PROSER2: variants seen among roughly 807,000 people sequenced by gnomAD.
The protein encoded by PROSER2 is proline and serine rich 2.
PROSER2 carries 18 observed loss-of-function variants against 14.6 expected under a neutral mutation model. The observed-to-expected ratio is 1.23, with a 90% CI of 0.85 to 1.83. The LOEUF (loss-of-function observed/expected upper bound fraction) is 1.83, where lower values mean the gene tolerates loss of function less well. Ranked by LOEUF, PROSER2 falls within the 40% of genes most tolerant of loss-of-function variation. The pLI, the probability that PROSER2 is intolerant of heterozygous loss-of-function variation, is 0.00. For synonymous variants in PROSER2, 367 were observed against 286.4 expected, an observed-to-expected ratio of 1.28 and a Z score of -2.84; for missense variants, 823 against 629.8, an observed-to-expected ratio of 1.31 and a Z score of -3.28.
intron 1 of PROSER2, among the ~76,000 whole-genome samples, chr10:11,847,838 A>G (rs751350919): frequency 2.0e-4 from 30 of 152,204 alleles, no homozygotes; most frequent in Non-Finnish European, 4.0e-4. Context: ...TTGATCTCAC[A>G]GCTTTTCTCT....
chr10:11,868,861 G>T (rs565721326), intron 3 of PROSER2, among the ~76,000 whole-genome samples: 1 of 152,250 alleles, frequency 6.6e-6, no homozygotes, highest in South Asian at 2.1e-4. Context: ...ACGTTGGCCA[G>T]GCTGGTCTTG....
At chr10:11,844,486 A>G (rs1833896542) in intron 1 of PROSER2, among the ~76,000 whole-genome samples, 1 of 152,250 alleles carries the variant, frequency 6.6e-6, no homozygotes, top group Non-Finnish European at 1.5e-5. Flanking sequence ...AACAACAAAT[A>G]CAAATATACA....
intron 1 of PROSER2, among the ~76,000 whole-genome samples, chr10:11,849,122 G>A (rs568133880): frequency 6.6e-6 from 1 of 152,158 alleles, no homozygotes; most frequent in African/African-American, 2.4e-5. Context: ...AGGAGGCGGA[G>A]GTTGCGGTAA....
intron 2 of PROSER2, chr10:11,863,104 T>A (rs1389885707): frequency 1.3e-5 from 2 of 152,206 alleles, no homozygotes; most frequent in African/African-American, 4.8e-5. Flanking sequence ...TGCCTAGGTA[T>A]CTCTCCTTTT....
rs150713045 is a variant in PROSER2, at chr10:11,869,540, C to T, written c.442C>T (p.Pro148Ser). 5.0e-6 allele frequency: 8 copies of T among 1,613,652 alleles called. No individual in the cohort carries two copies. Among genetic ancestry groups the T allele is most frequent in the Non-Finnish European group, 6.8e-6 (8 of 1,179,628 alleles). The change falls in exon 4 of 4, where the codon CCA (proline) becomes TCA (serine). Residue 148 changes from proline (P) to serine (S), a missense_variant. By Grantham distance (74) the Pro-to-Ser change is moderately conservative. Transcript: ENST00000277570. This position sits in a 1 kb window ranked among gnomAD's most constrained non-coding sequence, Gnocchi z 4.4. ...CAGGAAACAAGATGCTGAGACTCCT[C>T]CACCTCCAGACCCCCCGGCTCCCGA... Reference protein sequence around the residue: ...EHRKQDAETPPPPDPPAPETL... With the variant: ...EHRKQDAETPSPPDPPAPETL...
At chr10:11,853,136 C>T (rs1003484807) in intron 2 of PROSER2, among the ~76,000 whole-genome samples, 5 of 152,118 alleles carry the variant, frequency 3.3e-5, no homozygotes, top group African/African-American at 7.2e-5. Context: ...CCAGTGGGAA[C>T]GCCAGTTTCC....
At chr10:11,833,864 G>C (rs1454305420) in intron 1 of PROSER2, among the ~76,000 whole-genome samples, 3 of 152,060 alleles carry the variant, frequency 2.0e-5, no homozygotes, top group South Asian at 4.1e-4. Flanking sequence ...GGGGAGGCCA[G>C]TGATGAAGGA....
At chr10:11,845,528 GA>G (rs1178537140) in intron 1 of PROSER2, among the ~76,000 whole-genome samples, 1 of 152,130 alleles carries the variant, frequency 6.6e-6, no homozygotes, top group Non-Finnish European at 1.5e-5. Flanking sequence ...AATAATTGAG[GA>G]AAGTTTAATA....
At chr10:11,857,794 CTG>C (rs1021717904) in intron 2 of PROSER2, among the ~76,000 whole-genome samples, 3 of 147,918 alleles carry the variant, frequency 2.0e-5, no homozygotes, top group Admixed American at 6.8e-5. Flanking sequence ...TGTCCCGAAA[CTG>C]TGCCGCGCCC....
chr10:11,850,359 A>T (rs1206550450), intron 1 of PROSER2: 1 of 152,378 alleles, frequency 6.6e-6, no homozygotes, highest in South Asian at 2.1e-4. Context: ...AATGGCAGGA[A>T]GACCTGGTTG....
In PROSER2 at chr10:11,862,770, A is replaced by G. The variant is rs1282364865; in HGVS notation, c.139-3761A>G. Reference sequence around the variant, plus strand: ...TGCAAATATTTCAAAATGTGAAAAAATCCAGAACACTTCTTATCCCAAACA... The same window carrying G: ...TGCAAATATTTCAAAATGTGAAAAAGTCCAGAACACTTCTTATCCCAAACA... On this transcript the variant is annotated intron_variant, in intron 2 of 3. Coordinates refer to ENST00000277570, the MANE Select transcript of PROSER2 (RefSeq NM_153256.4). The surrounding 1 kb of genome is among the most constrained non-coding windows in gnomAD (Gnocchi z 4.2). 6.6e-6 allele frequency: 1 copy of G among 152,224 alleles called. No homozygotes were observed. The highest frequency in any genetic ancestry group is 2.4e-5 in the African/African-American group (1 of 41,450). The allele number at this position is 152,224 out of a possible 1,614,324, so 9.4% of individuals were successfully genotyped here. A position where few individuals can be genotyped will look rare whatever the true frequency, so the allele number is the denominator to read the frequency against.
chr10:11,825,268 T>G (rs922603635), intron 1 of PROSER2, among the ~76,000 whole-genome samples: 5 of 152,186 alleles, frequency 3.3e-5, no homozygotes, highest in African/African-American at 1.2e-4. Flanking sequence ...GAAGTTCAAG[T>G]GCATCTTATC....
chr10:11,864,233 C>T (rs974983990), intron 2 of PROSER2, among the ~76,000 whole-genome samples: 12 of 152,204 alleles, frequency 7.9e-5, no homozygotes, highest in African/African-American at 2.9e-4. Flanking sequence ...TTTGAGCCCC[C>T]ATTGTCTCCC....
chr10:11,863,082 C>T (rs1834274968), intron 2 of PROSER2: 2 of 152,202 alleles, frequency 1.3e-5, no homozygotes, highest in East Asian at 1.9e-4. Flanking sequence ...TTCTGCCTGC[C>T]TACCTAACCC....
intron 1 of PROSER2, among the ~76,000 whole-genome samples, chr10:11,829,332 C>A (rs1038086385): frequency 6.6e-6 from 1 of 151,108 alleles, no homozygotes; most frequent in Non-Finnish European, 1.5e-5. Context: ...TGCCTGTAAT[C>A]CCAACACTTT....
chr10:11,829,353 G>C (rs1301521272), intron 1 of PROSER2, among the ~76,000 whole-genome samples: 1 of 151,384 alleles, frequency 6.6e-6, no homozygotes, highest in African/African-American at 2.4e-5. Context: ...GGGAGGCCAA[G>C]GTGGGAGGAT....
rs1251517891 is a variant in PROSER2, at chr10:11,838,879, T to C, written c.-81-13118T>C. 2.0e-5 allele frequency among the ~76,000 whole-genome samples: 3 copies of C among 152,218 alleles called. No individual in the cohort carries two copies. Among genetic ancestry groups the C allele is most frequent in the African/African-American group, 7.2e-5 (3 of 41,448 alleles). On this transcript the variant is annotated intron_variant, in intron 1 of 3. Transcript: ENST00000277570. The surrounding 1 kb of genome is among the most constrained non-coding windows in gnomAD (Gnocchi z 4.4). ...AGAAGGTTTTCTTATATTCTAGCTATCAATTCCTTATACGTATTAGACATA... is the reference window on the plus strand; with the variant it reads ...AGAAGGTTTTCTTATATTCTAGCTACCAATTCCTTATACGTATTAGACATA...
chr10:11,847,759 T>C (rs930759718), intron 1 of PROSER2, among the ~76,000 whole-genome samples: 7 of 152,182 alleles, frequency 4.6e-5, no homozygotes, highest in South Asian at 2.1e-4. Context: ...GTTACTTCTC[T>C]CACTGTTGAA....
rs762845619 is a variant in PROSER2 at position 11,869,789 on chromosome 10, C to T, written c.691C>T (p.Arg231Trp). Residue 231 changes from arginine (R) to tryptophan (W), a missense_variant, in exon 4 of 4, where the codon CGG becomes TGG. Coordinates refer to ENST00000277570, the MANE Select transcript of PROSER2 (RefSeq NM_153256.4). This position sits in a 1 kb window ranked among gnomAD's most constrained non-coding sequence, Gnocchi z 4.4. ...RPGEWRTPAARGPRSGDPGPG... is the reference protein window; with the variant it reads ...RPGEWRTPAAWGPRSGDPGPG... ...CGGGGAGTGGAGGACACCTGCCGCCCGGGGGCCCCGCAGTGGAGACCCTGG... is the reference window on the plus strand; with the variant it reads ...CGGGGAGTGGAGGACACCTGCCGCCTGGGGGCCCCGCAGTGGAGACCCTGG... The T allele has an allele frequency of 1.5e-5, 24 of 1,554,112 alleles. No individual in the cohort carries two copies. The highest frequency in any genetic ancestry group is 1.9e-5 in the Non-Finnish European group (22 of 1,151,554).
Sources: gnomAD v4.1 joint callset for allele counts (sites outside exome capture counted in the v4.1 genomes callset) on GRCh38, gnomAD v4.1.1 for gene constraint, Gnocchi (gnomAD v3.1) non-coding constraint, MANE v1.5 for transcripts, NCBI Gene and HGNC (gene_info 2026-07-23, HGNC 2026-07-21) for gene names.